DCN: variants seen among roughly 807,000 people sequenced by gnomAD.
DCN encodes the protein decorin, also known as bone proteoglycan II.
A neutral mutation model predicts 36.5 loss-of-function variants in DCN; 17 were observed. That is an observed-to-expected ratio of 0.47 (90% CI 0.32 to 0.70). The LOEUF is 0.70. Among genes scored for constraint, DCN ranks in the 30% least tolerant of loss-of-function variants. The pLI, the probability that DCN is intolerant of heterozygous loss-of-function variation, is 0.04. For synonymous variants in DCN, 163 were observed against 161.4 expected, an observed-to-expected ratio of 1.01 and a Z score of -0.07; for missense variants, 389 against 430.1, an observed-to-expected ratio of 0.90 and a Z score of 0.84.
intron 2 of DCN, among the ~76,000 whole-genome samples, chr12:91,178,041 C>G (rs1883400066): frequency 6.6e-6 from 1 of 151,424 alleles, no homozygotes; most frequent in Non-Finnish European, 1.5e-5. Context: ...TTTTTTAATT[C>G]AAAATTTTAT....
intron 2 of DCN, among the ~76,000 whole-genome samples, chr12:91,168,808 G>A (rs1266279262): frequency 6.6e-6 from 1 of 152,114 alleles, no homozygotes; most frequent in Non-Finnish European, 1.5e-5. Flanking sequence ...CCTGAAAATT[G>A]CTCTTACTTT....
At chr12:91,177,531 AGTT>A (rs1565790354) in intron 2 of DCN, 2 of 701,438 alleles carry the variant, frequency 2.9e-6, no homozygotes, top group East Asian at 5.4e-5. Context: ...ATGTAAACTG[AGTT>A]CATTCCCCTT....
At chr12:91,174,335 A>G (rs138413249) in intron 2 of DCN, among the ~76,000 whole-genome samples, 473 of 152,178 alleles carry the variant, frequency 3.1e-3, no homozygotes, top group Admixed American at 5.7e-3. Flanking sequence ...GAGACTCTTA[A>G]TAAGTCTCTA....
At position 91,158,320 on chromosome 12, in the gene DCN, C is replaced by T; in HGVS notation, c.514G>A (p.Gly172Arg). Residue 172 changes from glycine to arginine, a missense_variant, in exon 4 of 8, where the codon GGA (glycine) becomes AGA (arginine). By Grantham distance (125) the Gly-to-Arg change is moderately radical. Coordinates refer to ENST00000052754, the MANE Select transcript of DCN (RefSeq NM_001920.5). ...CCTATGACAATCATCTGGTTCAGTCCATTGAAAGTAACTTTTCGCACTTTG... is the reference window on the plus strand; with the variant it reads ...CCTATGACAATCATCTGGTTCAGTCTATTGAAAGTAACTTTTCGCACTTTG... ...ITKVRKVTFN[G>R]LNQMIVIELG... 1 of 1,609,104 alleles carries T rather than the reference C, an allele frequency of 6.2e-7. No individual in the cohort carries two copies. The highest frequency in any genetic ancestry group is 8.5e-7 in the Non-Finnish European group (1 of 1,175,442).
At chr12:91,168,907 TCCAGCAGTAAGAGTTTCTC>T (rs1247974536) in intron 2 of DCN, among the ~76,000 whole-genome samples, 1 of 152,226 alleles carries the variant, frequency 6.6e-6, no homozygotes, top group Non-Finnish European at 1.5e-5. Flanking sequence ...GAGTGACTAC[TCCAGCAGTAAGAGTTTCTC>T]TACATGGCAT....
chr12:91,177,788 A>T, intron 2 of DCN: 1 of 679,786 alleles, frequency 1.5e-6, no homozygotes, highest in Non-Finnish European at 2.7e-6. Flanking sequence ...AGTAAAGACA[A>T]AACTAAGACT....
intron 2 of DCN, chr12:91,177,640 A>C (rs1296201682): frequency 1.4e-6 from 1 of 702,348 alleles, no homozygotes; most frequent in South Asian, 1.5e-5. Flanking sequence ...AAAGATGATA[A>C]ATCAAACTGT....
At chr12:91,158,171 A>G in intron 4 of DCN, 125 bp downstream of exon 4, 1 of 684,492 alleles carries the variant, frequency 1.5e-6, no homozygotes, top group Admixed American at 2.4e-5. Flanking sequence ...CCCTGTTCTT[A>G]TAAATCACAT....
intron 3 of DCN, among the ~76,000 whole-genome samples, chr12:91,160,889 A>G (rs1882114882): frequency 6.6e-6 from 1 of 152,144 alleles, no homozygotes; most frequent in Non-Finnish European, 1.5e-5. Context: ...CCCACTATAT[A>G]TAGGTATAAA....
At chr12:91,149,955 G>A (rs989590676) in intron 7 of DCN, among the ~76,000 whole-genome samples, 1 of 152,056 alleles carries the variant, frequency 6.6e-6, no homozygotes, top group African/African-American at 2.4e-5. Flanking sequence ...GACTTGGAAG[G>A]CTCAATATTA....
At chr12:91,148,641 G>T (rs536532435) in intron 7 of DCN, among the ~76,000 whole-genome samples, 3 of 147,200 alleles carry the variant, frequency 2.0e-5, no homozygotes, top group African/African-American at 7.6e-5. Flanking sequence ...TCTTGAACCC[G>T]AGAGGCGGAG....
At chr12:91,177,846 T>C (rs1227350498) in intron 2 of DCN, 1 of 586,716 alleles carries the variant, frequency 1.7e-6, no homozygotes, top group African/African-American at 1.9e-5. Context: ...GATTTTGTCA[T>C]AAAATTTGAT....
In DCN at chr12:91,152,431, G is replaced by A. The variant is rs374478513; in HGVS notation, c.747-639C>T. Among the ~76,000 whole-genome samples, 24 of 152,160 alleles carry A rather than the reference G, an allele frequency of 1.6e-4. No individual in the cohort carries two copies. In the East Asian group the frequency reaches 3.5e-3, roughly 22 times the overall value. On this transcript the variant is annotated intron_variant, in intron 6 of 7. Transcript: ENST00000052754. ...TCTCTGTAGGGACAGTCAGCAATATGTACAGATCAAAAAGAACATAGTGTT... is the reference window on the plus strand; with the variant it reads ...TCTCTGTAGGGACAGTCAGCAATATATACAGATCAAAAAGAACATAGTGTT...
At chr12:91,160,917 C>T (rs1565780267) in intron 3 of DCN, among the ~76,000 whole-genome samples, 1 of 152,200 alleles carries the variant, frequency 6.6e-6, no homozygotes, top group East Asian at 1.9e-4. Flanking sequence ...TTATGTAACA[C>T]ACACCACTCA....
intron 1 of DCN, among the ~76,000 whole-genome samples, chr12:91,179,903 G>A (rs769771206): frequency 1.3e-5 from 2 of 151,900 alleles, no homozygotes; most frequent in Admixed American, 6.6e-5. Context: ...TGCTAACAGG[G>A]CATTTTGTAA....
chr12:91,161,936 T>C (rs889784632), intron 3 of DCN, among the ~76,000 whole-genome samples: 1 of 150,362 alleles, frequency 6.7e-6, no homozygotes, highest in Admixed American at 6.7e-5. Context: ...CACTGTTTTA[T>C]CTACCAATTT....
intron 6 of DCN, among the ~76,000 whole-genome samples, chr12:91,152,054 AG>A (rs1881467878): frequency 6.6e-6 from 1 of 152,156 alleles, no homozygotes; most frequent in Non-Finnish European, 1.5e-5. Flanking sequence ...TAATATCCTA[AG>A]TTCCAACATC....
intron 2 of DCN, among the ~76,000 whole-genome samples, chr12:91,169,378 C>CAAAA (rs58056993): frequency 3.1e-4 from 23 of 73,374 alleles, no homozygotes; most frequent in African/African-American, 1.1e-3. Flanking sequence ...GAGATCCTGT[C>CAAAA]AAAAAAAAAA....
chr12:91,152,300 C>CATATATATATATATATAT (rs139523647), intron 6 of DCN, among the ~76,000 whole-genome samples: 73 of 146,438 alleles, frequency 5.0e-4, no homozygotes, highest in African/African-American at 1.9e-3. Flanking sequence ...CACACACATG[C>CATATATATATATATATAT]ATATATATAT....
Sources: allele counts gnomAD v4.1 joint callset (sites outside exome capture counted in the v4.1 genomes callset), GRCh38; gene constraint gnomAD v4.1.1; transcripts MANE v1.5; gene names NCBI Gene and HGNC (gene_info 2026-07-23, HGNC 2026-07-21).